The following ELP4 variants were observed in gnomAD, a reference collection of about 807,000 sequenced individuals.
ELP4 encodes the protein elongator acetyltransferase complex subunit 4.
In ELP4, 51 loss-of-function variants were observed where a neutral mutation model predicts 48.9. The observed-to-expected ratio is 1.04, with a 90% CI of 0.83 to 1.32. The LOEUF is 1.32. ELP4 is among the 40% of genes most tolerant of loss of function. The pLI is 0.00. For missense variants in ELP4, 519 were observed against 514.6 expected (o/e 1.01, Z -0.08); for synonymous variants, 210 against 189.2 (o/e 1.11, Z -0.90).
intron 2 of ELP4, among the ~76,000 whole-genome samples, chr11:31,524,135 T>A (rs1956258355): frequency 6.6e-6 from 1 of 152,222 alleles, no homozygotes. Flanking sequence ...TACTTTTATA[T>A]TACTTTTTTC....
At chr11:31,563,410 C>T (rs1390143948) in intron 3 of ELP4, among the ~76,000 whole-genome samples, 1 of 151,762 alleles carries the variant, frequency 6.6e-6, no homozygotes, top group African/African-American at 2.4e-5. Context: ...TGTGCATCTG[C>T]CAAAACAAAG....
At chr11:31,511,718 C>A (rs1386816979) in intron 1 of ELP4, 1 of 152,102 alleles carries the variant, frequency 6.6e-6, no homozygotes, top group Non-Finnish European at 1.5e-5. Flanking sequence ...ATTTATTGAA[C>A]CTCGGATTAA....
intron 3 of ELP4, among the ~76,000 whole-genome samples, chr11:31,558,818 G>T (rs1215772143): frequency 6.6e-6 from 1 of 152,064 alleles, no homozygotes; most frequent in Non-Finnish European, 1.5e-5. Context: ...ATTCTTAGAT[G>T]ATTATTGTTA....
At position 31,632,247 on chromosome 11, in the gene ELP4, A is replaced by C. The variant is rs1944876862; in HGVS notation, c.769A>C (p.Ile257Leu). Residue 257 changes from isoleucine (I) to leucine (L), a missense_variant, in exon 7 of 10, where the codon ATT becomes CTT. By Grantham distance (5) the Ile-to-Leu change is conservative. Coordinates refer to ENST00000640961, the MANE Select transcript of ELP4 (RefSeq NM_019040.5). Reference sequence around the variant, plus strand: ...ACAGAGAAACATTTTAAGAATAGGAATTCAGAATCTTGGCTCACCTTTATG... The same window carrying C: ...ACAGAGAAACATTTTAAGAATAGGACTTCAGAATCTTGGCTCACCTTTATG... ...KKQRNILRIG[I>L]QNLGSPLWGD... 1 of 1,604,992 alleles carries C rather than the reference A, an allele frequency of 6.2e-7. No homozygotes were observed.
At chr11:31,526,700 A>G (rs1956300453) in intron 2 of ELP4, among the ~76,000 whole-genome samples, 1 of 152,028 alleles carries the variant, frequency 6.6e-6, no homozygotes, top group Admixed American at 6.6e-5. Context: ...GCCTTCTCCT[A>G]TTTGAGAATC....
rs759391101 is a variant in ELP4 at position 31,789,912 on chromosome 11, CTTTTTTTTT to C, written c.*6403_*6411del. 1.2e-5 allele frequency: 13 copies of C among 1,046,604 alleles called. No homozygotes were observed. The highest frequency in any genetic ancestry group is 8.9e-5 in the South Asian group (6 of 67,626). The allele number at this position is 1,046,604 out of a possible 1,614,324, so 64.8% of individuals were successfully genotyped here. A position where few individuals can be genotyped will look rare whatever the true frequency, so the allele number is the denominator to read the frequency against. On this transcript the variant is annotated 3_prime_UTR_variant, in exon 10 of 10. Coordinates refer to ENST00000640961, the MANE Select transcript of ELP4 (RefSeq NM_019040.5). Reference sequence around the variant, plus strand: ...CTGAATTAACACAATATTTCCTTTCCTTTTTTTTTTTTTTTTTTTTTTTACTGTAATCTT... The same window carrying C: ...CTGAATTAACACAATATTTCCTTTCCTTTTTTTTTTTTTTACTGTAATCTT...
At chr11:31,641,090 T>A (rs1945084853) in intron 7 of ELP4, among the ~76,000 whole-genome samples, 1 of 151,980 alleles carries the variant, frequency 6.6e-6, no homozygotes, top group Non-Finnish European at 1.5e-5. Flanking sequence ...GAATAATTTT[T>A]CTGTAAAATT....
intron 9 of ELP4, among the ~76,000 whole-genome samples, chr11:31,751,486 A>G (rs962102870): frequency 1.3e-5 from 2 of 152,194 alleles, no homozygotes; most frequent in Non-Finnish European, 2.9e-5. Flanking sequence ...AGTACCATAT[A>G]GGGTGAAAAA....
At chr11:31,526,285 CT>C (rs1956293218) in intron 2 of ELP4, among the ~76,000 whole-genome samples, 1 of 152,054 alleles carries the variant, frequency 6.6e-6, no homozygotes, top group African/African-American at 2.4e-5. Flanking sequence ...TTAAAAATCC[CT>C]TATGGGGCTG....
At chr11:31,665,601 T>G (rs1433996967) in intron 9 of ELP4, among the ~76,000 whole-genome samples, 2 of 151,786 alleles carry the variant, frequency 1.3e-5, no homozygotes, top group Non-Finnish European at 2.9e-5. Context: ...TTGCCAGTTC[T>G]TGAAACATCT....
chr11:31,703,483 T>G (rs994067082), intron 9 of ELP4, among the ~76,000 whole-genome samples: 3 of 152,158 alleles, frequency 2.0e-5, no homozygotes, highest in Non-Finnish European at 4.4e-5. Context: ...CTATATACTT[T>G]GCTTCATTTA....
At chr11:31,771,798 T>A (rs1948149020) in intron 9 of ELP4, among the ~76,000 whole-genome samples, 1 of 152,142 alleles carries the variant, frequency 6.6e-6, no homozygotes, top group Non-Finnish European at 1.5e-5. Flanking sequence ...GCTAACACAG[T>A]GAAACCCTGT....
At chr11:31,565,383 T>A (rs1490430911) in intron 3 of ELP4, among the ~76,000 whole-genome samples, 2 of 150,122 alleles carry the variant, frequency 1.3e-5, no homozygotes, top group African/African-American at 5.0e-5. Flanking sequence ...TTTAATTAGA[T>A]CCCATTTGTC....
At chr11:31,746,348 G>A (rs985782453) in intron 9 of ELP4, among the ~76,000 whole-genome samples, 1 of 152,186 alleles carries the variant, frequency 6.6e-6, no homozygotes, top group African/African-American at 2.4e-5. Context: ...CACGGATCTA[G>A]AACTAGAAAT....
chr11:31,692,871 A>G (rs570255411), intron 9 of ELP4, among the ~76,000 whole-genome samples: 14 of 152,260 alleles, frequency 9.2e-5, no homozygotes, highest in African/African-American at 3.1e-4. Context: ...CACCAAGTCT[A>G]GATTGAATAC....
intron 5 of ELP4, among the ~76,000 whole-genome samples, chr11:31,626,788 G>C: frequency 6.6e-6 from 1 of 151,692 alleles, no homozygotes. Context: ...AATCTATAGT[G>C]GCTTCATCTT....
At chr11:31,737,406 C>T (rs1377821832) in intron 9 of ELP4, among the ~76,000 whole-genome samples, 3 of 151,928 alleles carry the variant, frequency 2.0e-5, no homozygotes. Context: ...CAACATGGCA[C>T]ATGTATACGT....
At chr11:31,733,476 CAAAA>C (rs59733716) in intron 9 of ELP4, among the ~76,000 whole-genome samples, 43 of 70,020 alleles carry the variant, frequency 6.1e-4, no homozygotes, top group Admixed American at 4.7e-3. Flanking sequence ...GACTCCATCT[CAAAA>C]AAAAAAAAAA....
At chr11:31,727,989 C>G (rs890243758) in intron 9 of ELP4, 1 of 152,094 alleles carries the variant, frequency 6.6e-6, no homozygotes, top group African/African-American at 2.4e-5. Flanking sequence ...GCTCATCTAT[C>G]TCAAAGATAA....
Sources: allele counts gnomAD v4.1 joint callset (sites outside exome capture counted in the v4.1 genomes callset), GRCh38; gene constraint gnomAD v4.1.1; transcripts MANE v1.5; gene names NCBI Gene and HGNC (gene_info 2026-07-23, HGNC 2026-07-21).